Variants in PCDHGA4 observed in about 807,000 individuals in gnomAD.
The protein encoded by PCDHGA4 is protocadherin gamma subfamily A, 4, also known as protocadherin gamma-A4.
A neutral mutation model predicts 54.6 loss-of-function variants in PCDHGA4; 38 were observed. The observed-to-expected ratio is 0.70, with a 90% CI of 0.54 to 0.91. The LOEUF is 0.91. Among genes scored for constraint, PCDHGA4 ranks in the 40% least tolerant of loss-of-function variants. The pLI, the probability that PCDHGA4 is intolerant of heterozygous loss-of-function variation, is 0.00. For synonymous variants in PCDHGA4, 511 were observed against 512.9 expected (o/e 1.00, Z 0.05); for missense variants, 1,298 against 1,220.9 (o/e 1.06, Z -0.94).
At chr5:141,460,848 C>A (rs528601988) in intron 1 of PCDHGA4, among the ~76,000 whole-genome samples, 1 of 150,236 alleles carries the variant, frequency 6.7e-6, no homozygotes, top group African/African-American at 2.4e-5. Context: ...GCCTCCAGTT[C>A]GATCCAAGTT....
At chr5:141,409,030 GAT>G in intron 1 of PCDHGA4, 1 of 1,614,010 alleles carries the variant, frequency 6.2e-7, no homozygotes, top group Non-Finnish European at 8.5e-7. Context: ...TCAATGCTGA[GAT>G]AAACTACTAC....
At position 141,432,781 on chromosome 5, in the gene PCDHGA4, C is replaced by T. The variant is rs761954375; in HGVS notation, c.2515-62026C>T. On this transcript the variant is annotated intron_variant, in intron 1 of 3. Coordinates refer to ENST00000571252, the MANE Select transcript of PCDHGA4 (RefSeq NM_018917.4). This position sits in a 1 kb window ranked among gnomAD's most constrained non-coding sequence, Gnocchi z 6.0. ...ACAGCATCCCCCAAGTCCTGGCGGA[C>T]CTCGGCAGCCTCGAGTCTCCAGCTA... The T allele has an allele frequency of 3.1e-6, 5 of 1,614,064 alleles. No homozygotes were observed. The Admixed American group carries it at 8.3e-5, about 27-fold the overall frequency.
chr5:141,378,535 T>A (rs1235721694), intron 1 of PCDHGA4: 1 of 152,092 alleles, frequency 6.6e-6, no homozygotes, highest in Non-Finnish European at 1.5e-5. Flanking sequence ...AAAATAATAA[T>A]GATAATTAAT....
In PCDHGA4 at chr5:141,356,897, C is replaced by T. The variant is rs1760380155; in HGVS notation, c.1790C>T (p.Thr597Ile). The T allele has an allele frequency of 6.2e-7, 1 of 1,614,116 alleles. No homozygotes were observed. Among genetic ancestry groups the T allele is most frequent in the Non-Finnish European group, 8.5e-7 (1 of 1,180,042 alleles). ...AATGTCCCTGAGATCCTGTACCCCA[C>T]CTTCCCTACTGATGGCTCCACTGGT... ...NDNVPEILYP[T>I]FPTDGSTGVE... The change falls in exon 1 of 4, where the codon ACC (threonine) becomes ATC (isoleucine). Residue 597 changes from threonine (T) to isoleucine (I), a missense_variant. Transcript: ENST00000571252.
At chr5:141,374,560 C>A (rs185125730) in intron 1 of PCDHGA4, 12 of 1,613,708 alleles carry the variant, frequency 7.4e-6, no homozygotes, top group African/African-American at 1.3e-5. Context: ...AGGTCTATGA[C>A]CCTGATGTGG....
At chr5:141,408,619 T>C in intron 1 of PCDHGA4, 1 of 1,613,974 alleles carries the variant, frequency 6.2e-7, no homozygotes, top group South Asian at 1.1e-5. Context: ...AGGAAATACA[T>C]TTAGAAATTT....
chr5:141,495,032 G>T, intron 2 of PCDHGA4, 167 bp downstream of exon 2: 1 of 967,732 alleles, frequency 1.0e-6, no homozygotes, highest in Non-Finnish European at 1.2e-6. Flanking sequence ...GACCCCGGAA[G>T]GAAGAGGCGA....
At chr5:141,452,635 T>C (rs1426970634) in intron 1 of PCDHGA4, among the ~76,000 whole-genome samples, 1 of 152,086 alleles carries the variant, frequency 6.6e-6, no homozygotes, top group Non-Finnish European at 1.5e-5. Context: ...GCTATGAATA[T>C]ATTTACTCAT....
At chr5:141,420,965 TA>T (rs1468739825) in intron 1 of PCDHGA4, 6 of 433,892 alleles carry the variant, frequency 1.4e-5, no homozygotes, top group African/African-American at 1.0e-4. Flanking sequence ...GTCGTTGCAA[TA>T]ATAAGAATGG....
chr5:141,392,298 G>T (rs568188111), intron 1 of PCDHGA4: 3 of 152,090 alleles, frequency 2.0e-5, no homozygotes, highest in African/African-American at 7.2e-5. Flanking sequence ...GGAAATGAAA[G>T]TATCATGTTT....
At position 141,355,951 on chromosome 5, in the gene PCDHGA4, G is replaced by T. The variant is rs1178682642; in HGVS notation, c.844G>T (p.Val282Phe). 4 of 1,613,916 alleles carry T rather than the reference G, an allele frequency of 2.5e-6. No homozygotes were observed. In the South Asian group the frequency reaches 4.4e-5, roughly 18 times the overall value. The change falls in exon 1 of 4, where the codon GTT (valine) becomes TTT (phenylalanine). Residue 282 changes from valine to phenylalanine, a missense_variant. By Grantham distance (50) the Val-to-Phe change is conservative (BLOSUM62 -1). Transcript: ENST00000571252. ...VFTQPEYHVSVRENVPVGTRL... is the reference protein window; with the variant it reads ...VFTQPEYHVSFRENVPVGTRL... ...CACTCAGCCCGAGTACCACGTAAGT[G>T]TTCGTGAGAACGTTCCTGTAGGCAC...
At position 141,376,453 on chromosome 5, in the gene PCDHGA4, T is replaced by G. The variant is rs779136467; in HGVS notation, c.2514+18832T>G. On this transcript the variant is annotated intron_variant, in intron 1 of 3. Transcript: ENST00000571252. ...AGGAGAGCTATGAGAAAAGCGAGCC[T>G]CTTCTGATAACTCAGGATTTACTTG... The G allele has an allele frequency of 1.9e-6, 3 of 1,614,166 alleles. No homozygotes were observed. The South Asian group carries it at 3.3e-5, about 18-fold the overall frequency.
intron 1 of PCDHGA4, chr5:141,409,345 A>G (rs1012428329): frequency 6.2e-7 from 1 of 1,614,020 alleles, no homozygotes; most frequent in Non-Finnish European, 8.5e-7. Flanking sequence ...GAAATGGAGA[A>G]GTCAGGTGTA....
At chr5:141,400,560 C>CGTAA in intron 1 of PCDHGA4, 5 of 1,613,248 alleles carry the variant, frequency 3.1e-6, no homozygotes, top group Non-Finnish European at 3.4e-6. Flanking sequence ...TTTCATTACC[C>CGTAA]ACCCAATTTT....
intron 2 of PCDHGA4, 117 bp downstream of exon 2, chr5:141,494,982 G>C: frequency 6.4e-7 from 1 of 1,563,940 alleles, no homozygotes; most frequent in Non-Finnish European, 8.7e-7. Context: ...CTCAGTTTGA[G>C]ATCCCAGGGA....
At chr5:141,437,393 G>T (rs1034237295) in intron 1 of PCDHGA4, among the ~76,000 whole-genome samples, 3 of 152,180 alleles carry the variant, frequency 2.0e-5, no homozygotes, top group Admixed American at 6.5e-5. Flanking sequence ...TTCATCCACT[G>T]CTTTCATTCC....
intron 1 of PCDHGA4, among the ~76,000 whole-genome samples, chr5:141,461,805 C>T (rs773854105): frequency 4.6e-5 from 7 of 151,854 alleles, no homozygotes; most frequent in Non-Finnish European, 8.8e-5. Flanking sequence ...AGGTGCCCAC[C>T]ACCACACCCA....
chr5:141,457,058 T>C (rs756862311), intron 1 of PCDHGA4, among the ~76,000 whole-genome samples: 1 of 152,230 alleles, frequency 6.6e-6, no homozygotes, highest in South Asian at 2.1e-4. Flanking sequence ...TCATGCTTCC[T>C]TTTTGCCAGT....
In PCDHGA4 at chr5:141,511,979, T is replaced by C. The variant is rs1205375941; in HGVS notation, c.*806T>C. ...AGGAAGGGAAGTGTGTGGATGTGGA[T>C]GGTGGGGGCATGGACAAAGCTTGAC... On this transcript the variant is annotated 3_prime_UTR_variant, in exon 4 of 4. Transcript: ENST00000571252. The C allele has an allele frequency of 6.5e-5, 10 of 153,278 alleles. No individual in the cohort carries two copies. The highest frequency in any genetic ancestry group is 1.5e-4 in the Non-Finnish European group (10 of 68,568). The allele number at this position is 153,278 out of a possible 1,614,324, so 9.5% of individuals were successfully genotyped here.
Sources: allele counts gnomAD v4.1 joint callset (sites outside exome capture counted in the v4.1 genomes callset), GRCh38; gene constraint gnomAD v4.1.1; non-coding constraint Gnocchi (gnomAD v3.1); transcripts MANE v1.5; gene names NCBI Gene and HGNC (gene_info 2026-07-23, HGNC 2026-07-21).